The following ZBTB37 variants were observed in gnomAD, a reference collection of about 807,000 sequenced individuals.
ZBTB37 encodes the protein zinc finger and BTB domain containing 37, also known as zinc finger and BTB domain-containing protein 37.
A neutral mutation model predicts 37.7 loss-of-function variants in ZBTB37; 15 were observed. That is an observed-to-expected ratio of 0.40 (90% CI 0.27 to 0.61). The LOEUF is 0.61. Ranked by LOEUF, ZBTB37 falls within the 20% of genes least tolerant of loss-of-function variation. The pLI is 0.44. For synonymous variants in ZBTB37, 231 were observed against 220.6 expected (o/e 1.05, Z -0.42); for missense variants, 514 against 641.9 (o/e 0.80, Z 2.15).
rs1017979277 is a variant in ZBTB37, at chr1:173,869,306, C to A, written c.-30+186C>A. On this transcript the variant is annotated intron_variant, in intron 2 of 4. Coordinates refer to ENST00000427304, the Ensembl canonical transcript of ZBTB37. ...GGGCTTAAGTAAATGTCTTCCTGTTCGGATTTATACAAACTATTTTCAGTA... is the reference window on the plus strand; with the variant it reads ...GGGCTTAAGTAAATGTCTTCCTGTTAGGATTTATACAAACTATTTTCAGTA... 2.0e-5 allele frequency among the ~76,000 whole-genome samples: 3 copies of A among 152,226 alleles called. No individual in the cohort carries two copies. The East Asian group carries it at 5.8e-4, about 29-fold the overall frequency.
chr1:173,890,816 G>C (rs1007986674), downstream of ZBTB37: 1 of 152,140 alleles, frequency 6.6e-6, no homozygotes, highest in African/African-American at 2.4e-5. Context: ...CTACTACAAT[G>C]GCAAAGTTGA....
chr1:173,903,052 A>T (rs1166152136), exon 4 of ZBTB37: 1 of 152,246 alleles, frequency 6.6e-6, no homozygotes, highest in East Asian at 1.9e-4. Context: ...TAAATTAAAA[A>T]TCAAGTGAAA....
chr1:173,888,323 A>T (rs1656707988), downstream of ZBTB37: 1 of 152,270 alleles, frequency 6.6e-6, no homozygotes, highest in African/African-American at 2.4e-5. Context: ...TGAGAAGTAC[A>T]GATTATGCTG....
At position 173,876,123 on chromosome 1, in the gene ZBTB37, A is replaced by AT. The variant is rs200769731; in HGVS notation, c.1023+2567dup. Among the ~76,000 whole-genome samples, 32 of 147,252 alleles carry AT rather than the reference A, an allele frequency of 2.2e-4. No individual in the cohort carries two copies. The East Asian group carries it at 2.5e-3, about 12-fold the overall frequency. On this transcript the variant is annotated intron_variant, in intron 4 of 4. Coordinates refer to ENST00000427304, the Ensembl canonical transcript of ZBTB37. ...CTTAGCAACTAGTATGAGTTTGCTC[A>AT]TTTTTTTTTTCTCACAGGTCTGATT...
intron 4 of ZBTB37, among the ~76,000 whole-genome samples, chr1:173,880,196 A>G (rs923359172): frequency 6.6e-6 from 1 of 152,234 alleles, no homozygotes; most frequent in Non-Finnish European, 1.5e-5. Flanking sequence ...GTGCCTGATT[A>G]ATAGTTGTTG....
exon 4 of ZBTB37, chr1:173,896,409 TTAA>T (rs1174801358): frequency 6.6e-6 from 1 of 152,210 alleles, no homozygotes; most frequent in Non-Finnish European, 1.5e-5. Context: ...ATGAAAAATC[TTAA>T]TGATGATCTA....
upstream of ZBTB37, chr1:173,868,273 GA>G (rs1278446709): frequency 1.3e-5 from 2 of 153,226 alleles, no homozygotes; most frequent in African/African-American, 4.8e-5. Context: ...AAGCTCTGGG[GA>G]TGGGGGAAGG....
chr1:173,881,980 G>C (rs886955561), intron 4 of ZBTB37, among the ~76,000 whole-genome samples: 15 of 151,786 alleles, frequency 9.9e-5, no homozygotes, highest in Middle Eastern at 6.8e-3. Flanking sequence ...CGTGAACCCG[G>C]GAGGCAGAGC....
At chr1:173,876,452 G>C (rs1655973626) in intron 4 of ZBTB37, among the ~76,000 whole-genome samples, 2 of 152,058 alleles carry the variant, frequency 1.3e-5, no homozygotes. Context: ...CGAGTAGCTG[G>C]GACTACAGGT....
At chr1:173,882,641 G>A (rs982001435) in intron 4 of ZBTB37, among the ~76,000 whole-genome samples, 3 of 152,142 alleles carry the variant, frequency 2.0e-5, no homozygotes, top group Non-Finnish European at 4.4e-5. Flanking sequence ...TTTTAGTCAT[G>A]ATGTCCTTGC....
chr1:173,876,829 C>T (rs1039470669), intron 4 of ZBTB37, among the ~76,000 whole-genome samples: 7 of 152,046 alleles, frequency 4.6e-5, no homozygotes, highest in African/African-American at 9.7e-5. Context: ...CAGATATAGG[C>T]GTGTGTCACT....
At chr1:173,881,503 A>G (rs1391090977) in intron 4 of ZBTB37, among the ~76,000 whole-genome samples, 1 of 152,162 alleles carries the variant, frequency 6.6e-6, no homozygotes, top group Non-Finnish European at 1.5e-5. Context: ...TGGTATTTCT[A>G]GTTCTGGATC....
downstream of ZBTB37, chr1:173,888,362 A>G (rs1329311747): frequency 6.6e-6 from 1 of 152,204 alleles, no homozygotes; most frequent in Non-Finnish European, 1.5e-5. Context: ...AGCCTACCAA[A>G]AAACTTTTAA....
chr1:173,897,801 G>GTA (rs776442062), exon 4 of ZBTB37: 28 of 152,328 alleles, frequency 1.8e-4, no homozygotes, highest in Non-Finnish European at 3.8e-4. Flanking sequence ...TGAAGAAAGA[G>GTA]TATAGCTTTC....
chr1:173,884,939 CATT>C (rs1656539927), intron 4 of ZBTB37, among the ~76,000 whole-genome samples: 1 of 152,170 alleles, frequency 6.6e-6, no homozygotes, highest in South Asian at 2.1e-4. Flanking sequence ...TTTTCATCAT[CATT>C]GATAGTTCTG....
rs552476820 is a variant in ZBTB37 at position 173,879,233 on chromosome 1, C to T, written c.1023+5667C>T. ...TAATCCATCCAGAATCCAGCAGTGT[C>T]TTAAGGGTTTAGCATGAATCACATC... is the stretch of plus-strand genomic sequence containing the variant. On this transcript the variant is annotated intron_variant, in intron 4 of 4. Transcript: ENST00000427304. Among the ~76,000 whole-genome samples, 11 of 152,200 alleles carry T rather than the reference C, an allele frequency of 7.2e-5. No homozygotes were observed. The East Asian group carries it at 2.1e-3, about 29-fold the overall frequency.
At chr1:173,901,183 GTAC>G (rs3831012) in exon 4 of ZBTB37, 71,552 of 151,554 alleles carry the variant, frequency 0.47, 19,879 homozygotes, top group African/African-American at 0.77. Context: ...GTTAGTTTGA[GTAC>G]TACTATTTCA....
chr1:173,878,584 A>G (rs749673856), intron 4 of ZBTB37, among the ~76,000 whole-genome samples: 1 of 152,204 alleles, frequency 6.6e-6, no homozygotes, highest in Middle Eastern at 3.2e-3. Context: ...TTCAGGAATA[A>G]GGGGAAGAGA....
chr1:173,871,075 G>A, exon 3 of ZBTB37: 3 of 1,614,152 alleles, frequency 1.9e-6, no homozygotes, highest in Non-Finnish European at 2.5e-6. Context: ...CCATGGTTCT[G>A]TAGGACAGGA....
Sources: allele counts gnomAD v4.1 joint callset (sites outside exome capture counted in the v4.1 genomes callset), GRCh38; gene constraint gnomAD v4.1.1; transcripts MANE v1.5; gene names NCBI Gene and HGNC (gene_info 2026-07-23, HGNC 2026-07-21).